The following SMARCC1 variants were observed in gnomAD, a reference collection of about 807,000 sequenced individuals.
SMARCC1 encodes the protein SWI/SNF related BAF chromatin remodeling complex subunit C1.
In SMARCC1, 43 loss-of-function variants were observed where a neutral mutation model predicts 147.4. The ratio of observed to expected loss-of-function variants is 0.29; its 90% confidence interval spans 0.23 to 0.38. The LOEUF (loss-of-function observed/expected upper bound fraction) is 0.38. SMARCC1 is among the 10% of genes least tolerant of loss of function. The pLI is 1.00. For synonymous variants in SMARCC1, 495 were observed against 484.4 expected (o/e 1.02, Z -0.29); for missense variants, 1,119 against 1,381.1 (o/e 0.81, Z 3.01).
intron 25 of SMARCC1, among the ~76,000 whole-genome samples, chr3:47,613,104 A>T (rs1333957775): frequency 6.6e-6 from 1 of 152,220 alleles, no homozygotes; most frequent in African/African-American, 2.4e-5. Context: ...AAATGCACTT[A>T]ACCAATGACC....
At chr3:47,635,472 TTA>T in intron 23 of SMARCC1, 128 bp from the exon 24 acceptor site, 1 of 827,586 alleles carries the variant, frequency 1.2e-6, no homozygotes, top group Non-Finnish European at 1.9e-6. Context: ...TTTCTTCTTT[TTA>T]AGAGTTCTGT....
At chr3:47,771,004 G>A (rs1003770974) in intron 2 of SMARCC1, among the ~76,000 whole-genome samples, 12 of 152,130 alleles carry the variant, frequency 7.9e-5, no homozygotes, top group Admixed American at 3.3e-4. Context: ...TCTGCCTCCC[G>A]GGTTCATGCC....
At chr3:47,666,757 TTGTTAG>T (rs2033425521) in intron 19 of SMARCC1, among the ~76,000 whole-genome samples, 2 of 152,068 alleles carry the variant, frequency 1.3e-5, no homozygotes, top group South Asian at 2.1e-4. Flanking sequence ...TCATCAGCTA[TTGTTAG>T]TGTTAGTGTA....
At position 47,632,308 on chromosome 3, in the gene SMARCC1, A is replaced by AT. The variant is rs1224101934; in HGVS notation, c.2646+2881dup. ...AGGATTTGTGAAACTTAAAAAAAAA[A>AT]TTTTTTTTTTGTAGAGACAGAGTCT... is the stretch of plus-strand genomic sequence containing the variant. On this transcript the variant is annotated intron_variant, in intron 24 of 27. Transcript: ENST00000254480. Among the ~76,000 whole-genome samples the AT allele has an allele frequency of 2.6e-4, 39 of 150,330 alleles. No homozygotes were observed. The East Asian group carries it at 3.3e-3, about 13-fold the overall frequency.
intron 18 of SMARCC1, 78 bp downstream of exon 18, chr3:47,675,397 A>G (rs2033555856): frequency 4.5e-6 from 3 of 663,558 alleles, no homozygotes; most frequent in Non-Finnish European, 8.1e-6. Context: ...ATCAGATTTG[A>G]GTAGAAAGCT....
At chr3:47,747,487 A>AATATAAAAC (rs1559661625) in intron 2 of SMARCC1, among the ~76,000 whole-genome samples, 1 of 149,718 alleles carries the variant, frequency 6.7e-6, no homozygotes, top group African/African-American at 2.4e-5. Flanking sequence ...AAATATAAAA[A>AATATAAAAC]TTAGCCAGGC....
At chr3:47,680,541 G>GTAC in intron 14 of SMARCC1, 33 bp from the exon 15 acceptor site, 1 of 425,118 alleles carries the variant, frequency 2.4e-6, no homozygotes, top group South Asian at 3.2e-5. Flanking sequence ...ATTTAGGAGT[G>GTAC]TTCTTTTTTT....
intron 27 of SMARCC1, among the ~76,000 whole-genome samples, chr3:47,589,123 G>A (rs969475103): frequency 2.0e-5 from 3 of 152,194 alleles, no homozygotes; most frequent in African/African-American, 7.2e-5. Context: ...ACTCTTGAAA[G>A]CATTCTGAAG....
At chr3:47,660,444 T>TAAA (rs71070206) in intron 21 of SMARCC1, among the ~76,000 whole-genome samples, 8 of 67,344 alleles carry the variant, frequency 1.2e-4, no homozygotes, top group South Asian at 4.5e-4. Context: ...AGACTCTGTC[T>TAAA]AAAAAAAAAA....
chr3:47,727,797 G>A (rs1241832411), intron 6 of SMARCC1, among the ~76,000 whole-genome samples: 1 of 151,856 alleles, frequency 6.6e-6, no homozygotes, highest in African/African-American at 2.4e-5. Context: ...CGCCATATTG[G>A]TGAGGCTGGT....
intron 2 of SMARCC1, among the ~76,000 whole-genome samples, chr3:47,748,174 A>G (rs2034587647): frequency 6.6e-6 from 1 of 152,072 alleles, no homozygotes; most frequent in Admixed American, 6.6e-5. Context: ...TAAAAATAAA[A>G]ACATAAATTA....
chr3:47,671,199 C>CAAAAAAAAAAAAAAA (rs1431984849), intron 18 of SMARCC1, among the ~76,000 whole-genome samples: 1 of 42,790 alleles, frequency 2.3e-5, no homozygotes, highest in African/African-American at 8.1e-5. Flanking sequence ...AAAAAAAAAA[C>CAAAAAAAAAAAAAAA]ACACACAAAA....
At chr3:47,598,485 C>CCT (rs2032334886) in intron 26 of SMARCC1, among the ~76,000 whole-genome samples, 3 of 151,992 alleles carry the variant, frequency 2.0e-5, no homozygotes. Flanking sequence ...CAGGTCTCCT[C>CCT]CTCTCTCTCT....
At chr3:47,714,224 C>T (rs1203597968) in intron 8 of SMARCC1, among the ~76,000 whole-genome samples, 191 bp downstream of exon 8, 4 of 152,136 alleles carry the variant, frequency 2.6e-5, no homozygotes, top group South Asian at 2.1e-4. Context: ...ATTAGCCTAA[C>T]GTGGTGGCGT....
chr3:47,641,717 TAAAC>T (rs1268591000), intron 21 of SMARCC1, among the ~76,000 whole-genome samples: 8 of 152,182 alleles, frequency 5.3e-5, no homozygotes, highest in Admixed American at 6.6e-5. Context: ...AATGTTATCT[TAAAC>T]AAGACACAAA....
chr3:47,626,704 C>G (rs2032816149), intron 24 of SMARCC1, among the ~76,000 whole-genome samples: 1 of 152,096 alleles, frequency 6.6e-6, no homozygotes, highest in Non-Finnish European at 1.5e-5. Context: ...AGAGGCAGAT[C>G]AAGACAGGCT....
intron 19 of SMARCC1, among the ~76,000 whole-genome samples, chr3:47,666,588 TAAA>T (rs11306091): frequency 3.1e-4 from 44 of 140,216 alleles, no homozygotes; most frequent in Middle Eastern, 3.5e-3. Flanking sequence ...TTTTCCTAAT[TAAA>T]AAAAAAAAAA....
chr3:47,680,231 C>A (rs2033626079), intron 15 of SMARCC1: 3 of 468,910 alleles, frequency 6.4e-6, no homozygotes, highest in South Asian at 2.3e-5. Context: ...CAAACAAACA[C>A]CAAAAAAAAC....
In SMARCC1 at chr3:47,749,016, T is replaced by C. The variant is rs143275166; in HGVS notation, c.316-3023A>G. Among the ~76,000 whole-genome samples, 9 of 151,382 alleles carry C rather than the reference T, an allele frequency of 5.9e-5. No individual in the cohort carries two copies. The East Asian group carries it at 1.6e-3, about 26-fold the overall frequency. ...GAGACCTCATCTGTTTAAAAAAAAA[T>C]AGTAATAAATAAAAATAAAGAGTAT... On this transcript the variant is annotated intron_variant, in intron 2 of 27. Coordinates refer to ENST00000254480, the MANE Select transcript of SMARCC1 (RefSeq NM_003074.4).
Sources: gnomAD v4.1 joint callset for allele counts (sites outside exome capture counted in the v4.1 genomes callset) on GRCh38, gnomAD v4.1.1 for gene constraint, MANE v1.5 for transcripts, NCBI Gene and HGNC (gene_info 2026-07-23, HGNC 2026-07-21) for gene names.